The following AGXT2 variants were observed in gnomAD, a reference collection of about 807,000 sequenced individuals.
The protein encoded by AGXT2 is alanine--glyoxylate aminotransferase 2, mitochondrial.
Under a neutral mutation model 62.5 loss-of-function variants are expected in AGXT2, and 61 were observed. That is an observed-to-expected ratio of 0.98 (90% CI 0.79 to 1.21). AGXT2 has a LOEUF of 1.21. Ranked by LOEUF, AGXT2 falls within the 50% of genes most tolerant of loss-of-function variation. The pLI, the probability that AGXT2 is intolerant of heterozygous loss-of-function variation, is 0.00. For missense variants in AGXT2, 666 were observed against 641.5 expected (o/e 1.04, Z -0.41); for synonymous variants, 243 against 218.7 (o/e 1.11, Z -0.98).
At chr5:35,000,850 A>G (rs1164998090) in intron 13 of AGXT2, among the ~76,000 whole-genome samples, 1 of 152,226 alleles carries the variant, frequency 6.6e-6, no homozygotes, top group Non-Finnish European at 1.5e-5. Flanking sequence ...ACTTCTACAG[A>G]TGGTCCCTGA....
chr5:35,031,761 G>A (rs1326357163), intron 7 of AGXT2, among the ~76,000 whole-genome samples: 5 of 152,078 alleles, frequency 3.3e-5, no homozygotes, highest in Non-Finnish European at 5.9e-5. Context: ...TTTGTTTGAC[G>A]GATGCTCTCA....
chr5:35,009,503 C>T (rs546182863), intron 12 of AGXT2, among the ~76,000 whole-genome samples: 2 of 151,868 alleles, frequency 1.3e-5, no homozygotes, highest in South Asian at 2.1e-4. Context: ...GGCTGAGGCT[C>T]GAGAATAGCT....
intron 4 of AGXT2, 48 bp downstream of exon 4, chr5:35,036,894 T>C (rs772408239): frequency 1.3e-6 from 2 of 1,599,878 alleles, no homozygotes; most frequent in South Asian, 2.2e-5. Context: ...GCATCATACC[T>C]TTTTTTTTCC....
At chr5:35,008,538 T>C (rs1766513757) in intron 12 of AGXT2, among the ~76,000 whole-genome samples, 1 of 152,214 alleles carries the variant, frequency 6.6e-6, no homozygotes, top group African/African-American at 2.4e-5. Flanking sequence ...CACACTGAAA[T>C]ACGTTATGAC....
intron 7 of AGXT2, among the ~76,000 whole-genome samples, chr5:35,030,804 C>T (rs751303738): frequency 2.0e-5 from 3 of 152,168 alleles, no homozygotes; most frequent in East Asian, 3.8e-4. Context: ...TGCAGTCAGA[C>T]CAGGGTCTGG....
chr5:35,045,764 C>CTTTTT (rs1255749919), intron 1 of AGXT2, among the ~76,000 whole-genome samples: 4 of 99,162 alleles, frequency 4.0e-5, no homozygotes, highest in Non-Finnish European at 6.0e-5. Flanking sequence ...TTTCTTTTTT[C>CTTTTT]TTTTTTTTTT....
At chr5:35,028,734 C>G (rs1158336968) in intron 7 of AGXT2, among the ~76,000 whole-genome samples, 2 of 152,160 alleles carry the variant, frequency 1.3e-5, no homozygotes, top group Middle Eastern at 3.2e-3. Context: ...ACCATGCAGT[C>G]TCTGAACTTA....
chr5:35,035,073 C>T (rs1767710542), intron 5 of AGXT2, 149 bp downstream of exon 5: 2 of 776,190 alleles, frequency 2.6e-6, no homozygotes, highest in African/African-American at 3.4e-5. Context: ...TCATAAAATT[C>T]AATTGACCTA....
chr5:35,046,063 G>A (rs112573569), intron 1 of AGXT2, among the ~76,000 whole-genome samples: 4 of 152,228 alleles, frequency 2.6e-5, no homozygotes, highest in African/African-American at 9.6e-5. Flanking sequence ...CACCGCACCC[G>A]GCCAGTGGTG....
intron 2 of AGXT2, 117 bp from the exon 3 acceptor site, chr5:35,039,625 A>C (rs1451244109): frequency 9.3e-7 from 1 of 1,074,568 alleles, no homozygotes; most frequent in Non-Finnish European, 1.4e-6. Context: ...TGGCCTGTAG[A>C]GGCTCAGAAG....
intron 12 of AGXT2, among the ~76,000 whole-genome samples, chr5:35,008,871 T>C (rs972091828): frequency 6.6e-6 from 1 of 152,208 alleles, no homozygotes; most frequent in African/African-American, 2.4e-5. Context: ...TATTCCTCCC[T>C]ACTCCCAAGA....
intron 10 of AGXT2, among the ~76,000 whole-genome samples, chr5:35,013,375 C>T (rs1561216169): frequency 6.6e-6 from 1 of 152,202 alleles, no homozygotes; most frequent in Non-Finnish European, 1.5e-5. Flanking sequence ...CCCTCTCCCA[C>T]CCCTCTCCTC....
At position 35,007,030 on chromosome 5, in the gene AGXT2, A is replaced by G. The variant is rs188920257; in HGVS notation, c.1338+2970T>C. 1.7e-3 allele frequency among the ~76,000 whole-genome samples: 260 copies of G among 152,352 alleles called. 1 individual carries two copies. Among genetic ancestry groups the G allele is most frequent in the African/African-American group, 6.1e-3 (255 of 41,572 alleles). On this transcript the variant is annotated intron_variant, in intron 12 of 13. Transcript: ENST00000231420. Reference sequence around the variant, plus strand: ...AATGTTTGTGTCCCTCAAAATTCATATATTGAAACCTAATACCCAAGGGGA... The same window carrying G: ...AATGTTTGTGTCCCTCAAAATTCATGTATTGAAACCTAATACCCAAGGGGA...
intron 10 of AGXT2, among the ~76,000 whole-genome samples, chr5:35,013,267 T>C (rs905943346): frequency 6.6e-6 from 1 of 152,138 alleles, no homozygotes; most frequent in Non-Finnish European, 1.5e-5. Context: ...AGATAGTGCG[T>C]TTAAGTAGGT....
At chr5:35,036,689 G>A (rs556813314) in intron 4 of AGXT2, among the ~76,000 whole-genome samples, 1 of 152,188 alleles carries the variant, frequency 6.6e-6, no homozygotes, top group Non-Finnish European at 1.5e-5. Context: ...CAGAGGCTCA[G>A]AGGTGACACA....
At chr5:35,039,251 T>G (rs1197824752) in intron 3 of AGXT2, 73 bp downstream of exon 3, 43 of 1,511,770 alleles carry the variant, frequency 2.8e-5, no homozygotes, top group Non-Finnish European at 3.8e-5. Context: ...AATCAAGAGT[T>G]CAGAGTCACT....
Position 35,032,721 on chromosome 5 carries a change from C to A in AGXT2, c.769+11G>T. ...CAACACTCCACTGGCACCCCCCTTG[C>A]CCAGTCGGACCTGGTGCACAGCTGC... On this transcript the variant is annotated intron_variant, in intron 7 of 13. Transcript: ENST00000231420. 1 of 1,598,014 alleles carries A rather than the reference C, an allele frequency of 6.3e-7. No homozygotes were observed. The highest frequency in any genetic ancestry group is 8.5e-7 in the Non-Finnish European group (1 of 1,170,878).
rs374556161 is a variant in AGXT2, at chr5:35,012,613, A to G, written c.1188+341T>C. On this transcript the variant is annotated intron_variant, in intron 11 of 13. Coordinates refer to ENST00000231420, the MANE Select transcript of AGXT2 (RefSeq NM_031900.4). The stretch of plus-strand genomic sequence containing the variant: ...AAAAGGAAGGAAGAAAAAATACACA[A>G]GAGAAGGCCAACATGAAACTAAATA... The G allele has an allele frequency of 2.4e-4, 79 of 328,480 alleles. No individual in the cohort carries two copies. The East Asian group carries it at 5.4e-3, about 22-fold the overall frequency. The allele number at this position is 328,480 out of a possible 1,614,324, so 20.3% of individuals were successfully genotyped here.
chr5:35,005,818 C>A (rs1295520830), intron 12 of AGXT2, among the ~76,000 whole-genome samples: 1 of 151,862 alleles, frequency 6.6e-6, no homozygotes, highest in Non-Finnish European at 1.5e-5. Context: ...TATAATGGAC[C>A]ATCGTGTTTA....
Sources: allele counts gnomAD v4.1 joint callset (sites outside exome capture counted in the v4.1 genomes callset), GRCh38; gene constraint gnomAD v4.1.1; transcripts MANE v1.5; gene names NCBI Gene and HGNC (gene_info 2026-07-23, HGNC 2026-07-21).